Variants in MINK1 observed in about 807,000 individuals in gnomAD.
MINK1 encodes misshapen-like kinase 1.
A neutral mutation model predicts 178.4 loss-of-function variants in MINK1; 46 were observed. That is an observed-to-expected ratio of 0.26 (90% CI 0.20 to 0.33). The LOEUF (loss-of-function observed/expected upper bound fraction) is 0.33, where lower values mean the gene tolerates loss of function less well. Ranked by LOEUF, MINK1 falls within the 10% of genes least tolerant of loss-of-function variation. The probability of loss-of-function intolerance (pLI) is 1.00; values close to 1 mark genes in which losing one functional copy is unlikely to be tolerated. For missense variants in MINK1, 1,366 were observed against 1,814.9 expected, an observed-to-expected ratio of 0.75 and a Z score of 4.49; for synonymous variants, 797 against 709.7, an observed-to-expected ratio of 1.12 and a Z score of -1.96.
Position 4,886,683 on chromosome 17 carries a change from T to C in MINK1, c.949+57T>C, listed in dbSNP as rs1968238334. The stretch of plus-strand genomic sequence containing the variant: ...AGGGGACACTCCAGCCTGGCTCCTC[T>C]CTGCCAGCCCTGCTCGCTCCTGGCA... On this transcript the variant is annotated intron_variant, in intron 10 of 31. Transcript: ENST00000355280. This position sits in a 1 kb window ranked among gnomAD's most constrained non-coding sequence, Gnocchi z 6.1. 5 of 1,480,942 alleles carry C rather than the reference T, an allele frequency of 3.4e-6. No homozygotes were observed. Among genetic ancestry groups the C allele is most frequent in the Non-Finnish European group, 3.6e-6 (4 of 1,114,006 alleles). The allele number at this position is 1,480,942 out of a possible 1,614,324, so 91.7% of individuals were successfully genotyped here.
intron 1 of MINK1, chr17:4,847,151 C>T (rs1375898718): frequency 2.1e-6 from 1 of 476,872 alleles, no homozygotes; most frequent in Non-Finnish European, 4.2e-6. Flanking sequence ...GGCTGTTTGA[C>T]TTTGCCTTTG....
chr17:4,868,904 C>T, intron 1 of MINK1: 1 of 254,152 alleles, frequency 3.9e-6, no homozygotes. Flanking sequence ...TGCACACTGC[C>T]ACACCTGGCT....
Position 4,886,601 on chromosome 17 carries a change from A to G in MINK1, c.924A>G (p.Arg308=). The change falls in exon 10 of 32, where the codon CGA becomes CGG. Residue 308 remains arginine (R), a synonymous_variant. Transcript: ENST00000355280. The surrounding 1 kb of genome is among the most constrained non-coding windows in gnomAD (Gnocchi z 6.1). ...VRIQLKDHID[R]SRKKRGEKEE... ...TCCAGCTTAAGGACCACATTGACCG[A>G]TCCCGGAAGAAGCGGGGTGAGAAAG... The G allele has an allele frequency of 6.2e-7, 1 of 1,603,580 alleles. No homozygotes were observed. The highest frequency in any genetic ancestry group is 8.5e-7 in the Non-Finnish European group (1 of 1,174,420).
At chr17:4,846,535 T>C (rs8077399) in intron 1 of MINK1, among the ~76,000 whole-genome samples, 36,686 of 150,946 alleles carry the variant, frequency 0.24, 5,208 homozygotes, top group African/African-American at 0.4. Context: ...AATGTTCCAA[T>C]TGATGACTCC....
At chr17:4,849,338 A>G (rs577209469) in intron 1 of MINK1, among the ~76,000 whole-genome samples, 5 of 152,300 alleles carry the variant, frequency 3.3e-5, no homozygotes, top group East Asian at 1.9e-4. Flanking sequence ...GGGAAAACCT[A>G]TGCCTCACCC....
intron 1 of MINK1, among the ~76,000 whole-genome samples, chr17:4,863,244 G>A (rs1273521884): frequency 1.3e-5 from 2 of 152,118 alleles, no homozygotes. Context: ...GTCTCCCCCT[G>A]TAGTTCCCAT....
At position 4,885,872 on chromosome 17, in the gene MINK1, G is replaced by C; in HGVS notation, c.640-39G>C. On this transcript the variant is annotated intron_variant, in intron 7 of 31. Transcript: ENST00000355280. The surrounding 1 kb of genome is among the most constrained non-coding windows in gnomAD (Gnocchi z 5.0). ...TGAAGAGAGGTTGCAGGGCAGAGTTGTCAGGAATATTCACTTGTTCCTTCT... is the reference window on the plus strand; with the variant it reads ...TGAAGAGAGGTTGCAGGGCAGAGTTCTCAGGAATATTCACTTGTTCCTTCT... 1 of 1,608,258 alleles carries C rather than the reference G, an allele frequency of 6.2e-7. No individual in the cohort carries two copies. Among genetic ancestry groups the C allele is most frequent in the Non-Finnish European group, 8.5e-7 (1 of 1,175,390 alleles).
chr17:4,896,262 G>A lies in MINK1; in HGVS notation c.3535G>A (p.Val1179Ile), dbSNP rs1409197725. The A allele has an allele frequency of 2.5e-6, 4 of 1,607,690 alleles. No individual in the cohort carries two copies. Among genetic ancestry groups the A allele is most frequent in the Non-Finnish European group, 3.4e-6 (4 of 1,176,642 alleles). ...LTVEEGQRLK[V>I]IYGSSAGFHA... Reference sequence around the variant, plus strand: ...AGTAGAGGAGGGGCAGCGGCTCAAGGTCATCTATGGCTCCAGTGCTGGCTT... The same window carrying A: ...AGTAGAGGAGGGGCAGCGGCTCAAGATCATCTATGGCTCCAGTGCTGGCTT... The change falls in exon 29 of 32, where the codon GTC becomes ATC. Residue 1179 changes from valine to isoleucine, a missense_variant. This residue lies in a region of MINK1 where 201 missense variants were observed against 240.7 expected (regional missense o/e 0.84). Coordinates refer to ENST00000355280, the MANE Select transcript of MINK1 (RefSeq NM_153827.5). This position sits in a 1 kb window ranked among gnomAD's most constrained non-coding sequence, Gnocchi z 4.6.
intron 15 of MINK1, 52 bp from the exon 16 acceptor site, chr17:4,891,404 T>C (rs1374090668): frequency 1.3e-6 from 2 of 1,509,968 alleles, no homozygotes; most frequent in Non-Finnish European, 1.8e-6. Context: ...AATTCGCAGG[T>C]GGGGATGTGC....
At chr17:4,845,288 G>C (rs1910848873) in intron 1 of MINK1, among the ~76,000 whole-genome samples, 1 of 152,108 alleles carries the variant, frequency 6.6e-6, no homozygotes, top group Admixed American at 6.5e-5. Flanking sequence ...AGAAGTTAAG[G>C]GTTTCTGTTC....
intron 1 of MINK1, among the ~76,000 whole-genome samples, chr17:4,857,633 A>AT (rs1285798763): frequency 1.3e-5 from 2 of 151,616 alleles, no homozygotes; most frequent in African/African-American, 2.4e-5. Context: ...TGCCCAGCTA[A>AT]TTTTTTGTAT....
intron 1 of MINK1, among the ~76,000 whole-genome samples, chr17:4,838,940 C>G (rs113668828): frequency 6.6e-6 from 1 of 151,448 alleles, no homozygotes; most frequent in South Asian, 2.1e-4. Flanking sequence ...CTTTCCAAGC[C>G]TAGACTCTTT....
intron 1 of MINK1, among the ~76,000 whole-genome samples, chr17:4,840,978 C>A (rs1910132023): frequency 6.6e-6 from 1 of 151,862 alleles, no homozygotes; most frequent in Non-Finnish European, 1.5e-5. Context: ...GAAATGGGGA[C>A]GAGCTGCCTA....
rs115596976 is a variant in MINK1 at position 4,849,508 on chromosome 17, T to C, written c.57+15868T>C. ...AGATTTGAGATTCCTGCCTTGAGCC[T>C]TTGTGTGCTCCCCACCCCTGCTCCT... is the stretch of plus-strand genomic sequence containing the variant. On this transcript the variant is annotated intron_variant, in intron 1 of 31. Transcript: ENST00000355280. 3.7e-3 allele frequency among the ~76,000 whole-genome samples: 563 copies of C among 152,290 alleles called. 9 individuals are homozygous for C. In the East Asian group the frequency reaches 0.057, roughly 15 times the overall value.
At chr17:4,854,939 G>A (rs1156397736) in intron 1 of MINK1, among the ~76,000 whole-genome samples, 1 of 152,178 alleles carries the variant, frequency 6.6e-6, no homozygotes, top group African/African-American at 2.4e-5. Context: ...GGGCGCGGTG[G>A]CTCCCGCCTA....
chr17:4,895,176 G>A lies in MINK1; in HGVS notation c.3019G>A (p.Glu1007Lys). ...VNPTNTRAHS[E>K]TPEIRKYKKR... ...TCCCACCAACACCCGGGCCCACAGT[G>A]AGACCCCTGAGATCCGGAAGTACAA... The change falls in exon 25 of 32, where the codon GAG (glutamate) becomes AAG (lysine). Residue 1007 changes from glutamate to lysine, a missense_variant. Transcript: ENST00000355280. The surrounding 1 kb of genome is among the most constrained non-coding windows in gnomAD (Gnocchi z 4.3). The A allele has an allele frequency of 6.2e-7, 1 of 1,614,088 alleles. No individual in the cohort carries two copies. The highest frequency in any genetic ancestry group is 8.5e-7 in the Non-Finnish European group (1 of 1,180,022).
intron 1 of MINK1, among the ~76,000 whole-genome samples, chr17:4,842,049 G>A (rs985263223): frequency 2.5e-4 from 38 of 151,938 alleles, no homozygotes; most frequent in African/African-American, 8.0e-4. Context: ...GTGAAACCCC[G>A]TCTCTACTAA....
In MINK1 at chr17:4,897,580, T is replaced by C. The variant is rs1969684414; in HGVS notation, c.*293T>C. The C allele has an allele frequency of 2.8e-6, 1 of 351,352 alleles. No homozygotes were observed. The highest frequency in any genetic ancestry group is 4.8e-5 in the Admixed American group (1 of 20,908). The allele number at this position is 351,352 out of a possible 1,614,324, so 21.8% of individuals were successfully genotyped here. On this transcript the variant is annotated 3_prime_UTR_variant, in exon 32 of 32. Coordinates refer to ENST00000355280, the MANE Select transcript of MINK1 (RefSeq NM_153827.5). The stretch of plus-strand genomic sequence containing the variant: ...CTAGCCCCTCCCCCCTTTTCTCCAT[T>C]TGAGAGGAGAGTGCTTGGGGCTTGA...
Position 4,897,423 on chromosome 17 carries a change from T to C in MINK1, c.*136T>C, listed in dbSNP as rs1257103745. On this transcript the variant is annotated 3_prime_UTR_variant, in exon 32 of 32. Transcript: ENST00000355280. ...ATTTCACTGGAGCCTGCTGGGAACG[T>C]GACCTCTGACCCCTGATGCTTTCGT... is the stretch of plus-strand genomic sequence containing the variant. 1 of 707,816 alleles carries C rather than the reference T, an allele frequency of 1.4e-6. No homozygotes were observed. Among genetic ancestry groups the C allele is most frequent in the African/African-American group, 1.8e-5 (1 of 55,922 alleles). The allele number at this position is 707,816 out of a possible 1,614,324, so 43.8% of individuals were successfully genotyped here. A position where few individuals can be genotyped will look rare whatever the true frequency, so the allele number is the denominator to read the frequency against.
Sources: gnomAD v4.1 joint callset for allele counts (sites outside exome capture counted in the v4.1 genomes callset) on GRCh38, gnomAD v4.1.1 for gene constraint, gnomAD v4.1.1 regional missense constraint, Gnocchi (gnomAD v3.1) non-coding constraint, MANE v1.5 for transcripts, NCBI Gene and HGNC (gene_info 2026-07-23, HGNC 2026-07-21) for gene names.